The following GALNT13 variants were observed in gnomAD, a reference collection of about 807,000 sequenced individuals.
GALNT13 encodes the protein polypeptide N-acetylgalactosaminyltransferase 13.
A neutral mutation model predicts 64.2 loss-of-function variants in GALNT13; 28 were observed. The ratio of observed to expected loss-of-function variants is 0.44; its 90% CI spans 0.32 to 0.60. The LOEUF (loss-of-function observed/expected upper bound fraction) is 0.60. GALNT13 is among the 20% of genes least tolerant of loss of function. GALNT13 has a pLI of 0.05. For synonymous variants in GALNT13, 214 were observed against 224.6 expected (o/e 0.95, Z 0.42); for missense variants, 577 against 669.8 (o/e 0.86, Z 1.53).
At chr2:153,847,141 T>A in the GALNT13 span, among the ~76,000 whole-genome samples, 3 of 151,988 alleles carry the variant, frequency 2.0e-5, no homozygotes, top group Non-Finnish European at 4.4e-5. Flanking sequence ...ACATTATTCA[T>A]GACAAAGAAC....
At chr2:153,126,643 T>C in the GALNT13 span, among the ~76,000 whole-genome samples, 2 of 152,254 alleles carry the variant, frequency 1.3e-5, no homozygotes, top group South Asian at 4.1e-4. Context: ...CTTGCAAAAG[T>C]ACGGCCAATC....
the GALNT13 span, among the ~76,000 whole-genome samples, chr2:153,824,793 C>T: frequency 8.5e-5 from 13 of 152,060 alleles, no homozygotes; most frequent in African/African-American, 1.7e-4. Context: ...AGACTTCTCA[C>T]GAGATCTGAT....
intron 3 of GALNT13, among the ~76,000 whole-genome samples, chr2:154,058,558 G>A (rs1700017581): frequency 6.6e-6 from 1 of 152,154 alleles, no homozygotes; most frequent in South Asian, 2.1e-4. Flanking sequence ...GTCTGGGTAG[G>A]CCTAATTGAA....
chr2:153,592,843 G>A, the GALNT13 span: 1 of 152,210 alleles, frequency 6.6e-6, no homozygotes. Flanking sequence ...GTTTGCGAGA[G>A]AAGCTTCTGA....
chr2:154,163,251 C>T (rs1028744179), intron 4 of GALNT13, among the ~76,000 whole-genome samples: 26 of 148,342 alleles, frequency 1.8e-4, no homozygotes, highest in Non-Finnish European at 3.1e-4. Flanking sequence ...TTTGTCCTTG[C>T]GATAGAAGGA....
chr2:153,120,272 C>G, the GALNT13 span, among the ~76,000 whole-genome samples: 1 of 152,222 alleles, frequency 6.6e-6, no homozygotes, highest in South Asian at 2.1e-4. Flanking sequence ...CAACTCTTCA[C>G]GTGGTAGATT....
the GALNT13 span, among the ~76,000 whole-genome samples, chr2:153,498,543 G>A: frequency 6.6e-6 from 1 of 152,220 alleles, no homozygotes; most frequent in South Asian, 2.1e-4. Context: ...TGCTGGTACA[G>A]GTGCCACTTC....
chr2:153,255,887 G>C, the GALNT13 span, among the ~76,000 whole-genome samples: 1 of 152,138 alleles, frequency 6.6e-6, no homozygotes, highest in Admixed American at 6.6e-5. Context: ...TTTCTCTCTG[G>C]CTGTCCTTAA....
intron 2 of GALNT13, among the ~76,000 whole-genome samples, chr2:153,943,893 A>C (rs960262777): frequency 6.6e-6 from 1 of 152,204 alleles, no homozygotes. Flanking sequence ...TGGCATTTCT[A>C]TCCACATTAT....
At chr2:154,169,685 C>T (rs1340893225) in intron 4 of GALNT13, among the ~76,000 whole-genome samples, 2 of 152,132 alleles carry the variant, frequency 1.3e-5, no homozygotes, top group African/African-American at 4.8e-5. Context: ...AGGCAGTTTT[C>T]AAAGCTGGGC....
At chr2:153,959,820 A>G (rs375371701) in intron 3 of GALNT13, among the ~76,000 whole-genome samples, 1 of 152,110 alleles carries the variant, frequency 6.6e-6, no homozygotes, top group African/African-American at 2.4e-5. Context: ...AGATGGCACT[A>G]TGGCTGCCCC....
the GALNT13 span, among the ~76,000 whole-genome samples, chr2:153,167,549 T>C: frequency 6.6e-6 from 1 of 151,120 alleles, no homozygotes; most frequent in African/African-American, 2.4e-5. Context: ...GTTTTTAAAA[T>C]TTTGTGGCAG....
the GALNT13 span, among the ~76,000 whole-genome samples, chr2:153,666,755 A>G: frequency 5.3e-5 from 8 of 152,224 alleles, no homozygotes; most frequent in Non-Finnish European, 7.3e-5. Context: ...GTTAAAAGCC[A>G]GAGTGTCTCC....
the GALNT13 span, among the ~76,000 whole-genome samples, chr2:153,442,418 G>A: frequency 7.9e-5 from 12 of 152,100 alleles, no homozygotes; most frequent in African/African-American, 2.9e-4. Context: ...TTTTTTTGTT[G>A]TGTCTCTGCC....
chr2:153,475,103 T>C, the GALNT13 span, among the ~76,000 whole-genome samples: 1 of 152,230 alleles, frequency 6.6e-6, no homozygotes, highest in Non-Finnish European at 1.5e-5. Context: ...GAGGGAGTGG[T>C]GTGGCCCCAG....
chr2:153,628,880 T>C, the GALNT13 span, among the ~76,000 whole-genome samples: 1 of 152,172 alleles, frequency 6.6e-6, no homozygotes, highest in African/African-American at 2.4e-5. Context: ...TAGGGAGGAT[T>C]CCTTCTTTTT....
the GALNT13 span, among the ~76,000 whole-genome samples, chr2:153,280,912 T>C: frequency 6.6e-6 from 1 of 152,266 alleles, no homozygotes; most frequent in East Asian, 1.9e-4. Context: ...AGTCCACAAT[T>C]TCTTTGTTAC....
the GALNT13 span, among the ~76,000 whole-genome samples, chr2:153,225,989 A>G: frequency 1.3e-5 from 2 of 151,626 alleles, no homozygotes; most frequent in Non-Finnish European, 2.9e-5. Context: ...GCTAGAGTAC[A>G]GTGGTGCAAT....
the GALNT13 span, among the ~76,000 whole-genome samples, chr2:153,212,375 C>T: frequency 0.16 from 24,741 of 152,088 alleles, 2,104 homozygotes; most frequent in Non-Finnish European, 0.18. Context: ...AATTATTCTA[C>T]ATTGTGTTCT....
Sources: gnomAD v4.1 joint callset for allele counts (sites outside exome capture counted in the v4.1 genomes callset) on GRCh38, gnomAD v4.1.1 for gene constraint, MANE v1.5 for transcripts, NCBI Gene and HGNC (gene_info 2026-07-23, HGNC 2026-07-21) for gene names.